Variants in GSK3B observed in about 807,000 individuals in gnomAD.
GSK3B encodes the protein glycogen synthase kinase 3 beta, also known as glycogen synthase kinase-3 beta.
In GSK3B, 15 loss-of-function variants were observed where a neutral mutation model predicts 56.4. That is an observed-to-expected ratio of 0.27 (90% CI 0.18 to 0.41). GSK3B has a LOEUF of 0.41. Ranked by LOEUF, GSK3B falls within the 10% of genes least tolerant of loss-of-function variation. GSK3B has a pLI of 1.00. For missense variants in GSK3B, 300 were observed against 513.4 expected, an observed-to-expected ratio of 0.58 and a Z score of 4.02; for synonymous variants, 181 against 188.9, an observed-to-expected ratio of 0.96 and a Z score of 0.34.
At chr3:120,007,601 G>A (rs1053270047) in intron 1 of GSK3B, among the ~76,000 whole-genome samples, 5 of 152,192 alleles carry the variant, frequency 3.3e-5, no homozygotes, top group Non-Finnish European at 7.3e-5. Context: ...TGGGATGACA[G>A]GCTGGTTCAA....
chr3:119,868,085 C>G (rs915784196), intron 8 of GSK3B, among the ~76,000 whole-genome samples: 9 of 140,980 alleles, frequency 6.4e-5, no homozygotes, highest in African/African-American at 2.4e-4. Flanking sequence ...TAAAACAGAA[C>G]AAAATAAAAC....
intron 8 of GSK3B, among the ~76,000 whole-genome samples, chr3:119,871,926 ATTACT>A (rs2056254822): frequency 1.3e-5 from 2 of 152,154 alleles, no homozygotes; most frequent in African/African-American, 4.8e-5. Flanking sequence ...CTAACCAGTT[ATTACT>A]TTATTCTTTT....
intron 1 of GSK3B, among the ~76,000 whole-genome samples, chr3:120,040,571 T>C (rs191724380): frequency 9.6e-4 from 145 of 151,630 alleles, no homozygotes; most frequent in Non-Finnish European, 1.2e-3. Flanking sequence ...AGGCAAGAAG[T>C]CTTTAGTACA....
intron 1 of GSK3B, among the ~76,000 whole-genome samples, chr3:120,063,071 C>T (rs554532693): frequency 1.2e-3 from 182 of 152,194 alleles, no homozygotes; most frequent in Middle Eastern, 3.4e-3. Flanking sequence ...ACTAATAATG[C>T]TATGTTTAAA....
intron 2 of GSK3B, among the ~76,000 whole-genome samples, chr3:119,979,648 A>C (rs183318386): frequency 3.9e-5 from 6 of 152,314 alleles, no homozygotes; most frequent in Non-Finnish European, 7.3e-5. Flanking sequence ...TTTTCTCTTC[A>C]TCAATCTTAT....
At chr3:120,008,150 A>T (rs1247656891) in intron 1 of GSK3B, among the ~76,000 whole-genome samples, 1 of 152,248 alleles carries the variant, frequency 6.6e-6, no homozygotes, top group African/African-American at 2.4e-5. Context: ...AGAGAATAAA[A>T]TACCTAGGAA....
At chr3:119,834,067 T>C (rs1395252917) in intron 10 of GSK3B, among the ~76,000 whole-genome samples, 1 of 152,192 alleles carries the variant, frequency 6.6e-6, no homozygotes, top group African/African-American at 2.4e-5. Flanking sequence ...CAAGCACATT[T>C]TACGTGTTTC....
At chr3:120,017,089 C>T (rs1005316209) in intron 1 of GSK3B, among the ~76,000 whole-genome samples, 4 of 152,234 alleles carry the variant, frequency 2.6e-5, no homozygotes, top group South Asian at 2.1e-4. Flanking sequence ...TTACAAGCTG[C>T]CCAATTTGGA....
chr3:120,070,757 A>G (rs185713651), intron 1 of GSK3B, among the ~76,000 whole-genome samples: 20 of 152,288 alleles, frequency 1.3e-4, no homozygotes, highest in Non-Finnish European at 2.9e-5. Context: ...TTTTCCTTGT[A>G]TATATTGCCA....
chr3:119,867,611 T>C (rs2056200406), intron 8 of GSK3B, among the ~76,000 whole-genome samples: 1 of 151,996 alleles, frequency 6.6e-6, no homozygotes, highest in African/African-American at 2.4e-5. Flanking sequence ...GTGACAGGCA[T>C]AGTAATGTAT....
At chr3:119,831,388 T>A (rs2055594804) in intron 10 of GSK3B, among the ~76,000 whole-genome samples, 2 of 152,260 alleles carry the variant, frequency 1.3e-5, no homozygotes, top group South Asian at 4.2e-4. Flanking sequence ...CCGGGCGCGG[T>A]GGCTCATGAC....
At chr3:120,039,759 C>T (rs368371188) in intron 1 of GSK3B, among the ~76,000 whole-genome samples, 11 of 152,226 alleles carry the variant, frequency 7.2e-5, no homozygotes, top group Admixed American at 3.9e-4. Flanking sequence ...GAGATAAAAA[C>T]CCCTTCTCTC....
At chr3:120,021,502 T>C (rs1419445547) in intron 1 of GSK3B, among the ~76,000 whole-genome samples, 1 of 149,026 alleles carries the variant, frequency 6.7e-6, no homozygotes, top group Non-Finnish European at 1.5e-5. Flanking sequence ...GGCAACAGAG[T>C]GAGACTCCAT....
At chr3:119,939,418 C>A (rs2057026097) in intron 3 of GSK3B, among the ~76,000 whole-genome samples, 1 of 152,088 alleles carries the variant, frequency 6.6e-6, no homozygotes, top group Non-Finnish European at 1.5e-5. Flanking sequence ...TTGCCTGCTG[C>A]CATGTTATAT....
At chr3:119,950,246 T>C (rs887619386) in intron 2 of GSK3B, among the ~76,000 whole-genome samples, 1 of 152,228 alleles carries the variant, frequency 6.6e-6, no homozygotes, top group Non-Finnish European at 1.5e-5. Flanking sequence ...TAAATATTCA[T>C]CTATGTTTAC....
intron 1 of GSK3B, among the ~76,000 whole-genome samples, chr3:120,044,995 G>C (rs2058091519): frequency 6.6e-6 from 1 of 152,116 alleles, no homozygotes. Context: ...AGAAATCGTG[G>C]CCTCAATTCT....
At chr3:119,831,359 A>G (rs1559799805) in intron 10 of GSK3B, among the ~76,000 whole-genome samples, 1 of 152,184 alleles carries the variant, frequency 6.6e-6, no homozygotes, top group Non-Finnish European at 1.5e-5. Flanking sequence ...GAGACTTTAC[A>G]TTAAAAGAGA....
At chr3:119,986,248 G>A (rs1222120117) in intron 2 of GSK3B, among the ~76,000 whole-genome samples, 1 of 152,018 alleles carries the variant, frequency 6.6e-6, no homozygotes, top group Non-Finnish European at 1.5e-5. Context: ...GAAAACCTAG[G>A]CAATATCATT....
chr3:119,845,292 A>C (rs977002044), intron 9 of GSK3B, among the ~76,000 whole-genome samples: 1 of 152,244 alleles, frequency 6.6e-6, no homozygotes, highest in South Asian at 2.1e-4. Context: ...CTCCTATTCA[A>C]CATAGTATTG....
Sources: allele counts gnomAD v4.1 joint callset (sites outside exome capture counted in the v4.1 genomes callset), GRCh38; gene constraint gnomAD v4.1.1; transcripts MANE v1.5; gene names NCBI Gene and HGNC (gene_info 2026-07-23, HGNC 2026-07-21).